Variants in FANCB observed in about 807,000 individuals in gnomAD.
The protein encoded by FANCB is Fanconi anemia group B protein.
In FANCB, 5 loss-of-function variants were observed where a neutral mutation model predicts 38.9. The ratio of observed to expected loss-of-function variants is 0.13; its 90% CI spans 0.07 to 0.27. The LOEUF (loss-of-function observed/expected upper bound fraction) is 0.27, where lower values mean the gene tolerates loss of function less well. Ranked by LOEUF, FANCB falls within the 10% of genes least tolerant of loss-of-function variation. The pLI is 1.00. For missense variants in FANCB, 573 were observed against 602.7 expected (o/e 0.95, Z 0.52); for synonymous variants, 236 against 215.4 (o/e 1.10, Z -0.84).
At chrX:14,698,455 G>A in the FANCB span, among the ~76,000 whole-genome samples, 1 of 109,362 alleles carries the variant, frequency 9.1e-6, no homozygotes, top group Non-Finnish European at 1.9e-5. Flanking sequence ...GAGGTGGGTG[G>A]ATCACCTGAG....
the FANCB span, among the ~76,000 whole-genome samples, chrX:14,751,069 A>C: frequency 8.9e-6 from 1 of 111,819 alleles, no homozygotes; most frequent in Non-Finnish European, 1.9e-5. Context: ...CATAAAAGGC[A>C]CTTGTAAAAT....
the FANCB span, among the ~76,000 whole-genome samples, chrX:14,725,938 A>G: frequency 8.9e-6 from 1 of 112,629 alleles, no homozygotes; most frequent in Non-Finnish European, 1.9e-5. Context: ...TTCTGTGAGA[A>G]TTTAACTAAT....
At chrX:14,733,594 T>C in the FANCB span, among the ~76,000 whole-genome samples, 1 of 112,032 alleles carries the variant, frequency 8.9e-6, no homozygotes, top group African/African-American at 3.2e-5. Flanking sequence ...CCCTTGTAAG[T>C]TGTATTCCTA....
the FANCB span, among the ~76,000 whole-genome samples, chrX:14,830,027 C>T: frequency 3.6e-5 from 4 of 111,765 alleles, no homozygotes; most frequent in Non-Finnish European, 5.6e-5. Flanking sequence ...TTCCTTTCAC[C>T]TGAATACTCA....
the FANCB span, among the ~76,000 whole-genome samples, chrX:14,714,149 G>A: frequency 9.0e-6 from 1 of 110,602 alleles, no homozygotes; most frequent in South Asian, 3.9e-4. Context: ...ATATTGCATA[G>A]CCCCACATAG....
intron 3 of FANCB, chrX:14,862,155 T>C (rs1479675682): frequency 8.9e-6 from 1 of 112,222 alleles, no homozygotes; most frequent in East Asian, 2.8e-4. Context: ...TCCCTTTTTT[T>C]TTTTTAAGAA....
chrX:14,814,331 T>A, the FANCB span, among the ~76,000 whole-genome samples: 2 of 111,933 alleles, frequency 1.8e-5, no homozygotes, highest in Non-Finnish European at 3.8e-5. Context: ...AAATGGGATC[T>A]AATTAAACTA....
chrX:14,741,584 A>C, the FANCB span, among the ~76,000 whole-genome samples: 2 of 111,889 alleles, frequency 1.8e-5, no homozygotes, highest in Non-Finnish European at 3.8e-5. Context: ...AGGTAGCAGT[A>C]TCAGTTCAAT....
the FANCB span, among the ~76,000 whole-genome samples, chrX:14,727,825 T>C: frequency 3.6e-5 from 4 of 111,977 alleles, no homozygotes; most frequent in African/African-American, 1.3e-4. Flanking sequence ...CCTTATATGA[T>C]AATACCTTTA....
the FANCB span, among the ~76,000 whole-genome samples, chrX:14,804,875 G>C: frequency 8.9e-6 from 1 of 111,829 alleles, no homozygotes; most frequent in Non-Finnish European, 1.9e-5. Context: ...ATTTTCACAG[G>C]CTGCCTTGTA....
the FANCB span, among the ~76,000 whole-genome samples, chrX:14,824,162 G>T: frequency 9.0e-6 from 1 of 111,639 alleles, no homozygotes; most frequent in African/African-American, 3.3e-5. Flanking sequence ...ACTTTCCACA[G>T]GACAGGGGCT....
chrX:14,747,235 G>C, the FANCB span, among the ~76,000 whole-genome samples: 1 of 112,480 alleles, frequency 8.9e-6, no homozygotes, highest in East Asian at 2.8e-4. Flanking sequence ...TCCCTCCAGG[G>C]AAAGCTTACA....
At chrX:14,810,791 A>C in the FANCB span, among the ~76,000 whole-genome samples, 1 of 111,378 alleles carries the variant, frequency 9.0e-6, no homozygotes, top group Admixed American at 9.5e-5. Flanking sequence ...GCAGACCAAC[A>C]TTCAGATTCA....
the FANCB span, among the ~76,000 whole-genome samples, chrX:14,810,899 T>G: frequency 9.0e-6 from 1 of 111,549 alleles, no homozygotes; most frequent in African/African-American, 3.3e-5. Context: ...GGAAAAAATG[T>G]TAAGGGCAGC....
chrX:14,709,271 C>T, the FANCB span, among the ~76,000 whole-genome samples: 1 of 111,376 alleles, frequency 9.0e-6, no homozygotes, highest in Non-Finnish European at 1.9e-5. Flanking sequence ...GACCCCCCAT[C>T]ATGTGCCAAA....
At chrX:14,704,803 T>G in the FANCB span, among the ~76,000 whole-genome samples, 1 of 112,179 alleles carries the variant, frequency 8.9e-6, no homozygotes, top group African/African-American at 3.2e-5. Flanking sequence ...CAGTGTTTTG[T>G]TTTAGATAAG....
the FANCB span, among the ~76,000 whole-genome samples, chrX:14,758,154 C>G: frequency 9.0e-6 from 1 of 110,995 alleles, no homozygotes; most frequent in Admixed American, 9.5e-5. Context: ...ACAGTGCCCC[C>G]GGGAACATAA....
At chrX:14,863,256 A>T (rs567165327) in intron 3 of FANCB, among the ~76,000 whole-genome samples, 17 of 112,409 alleles carry the variant, frequency 1.5e-4, no homozygotes, top group African/African-American at 4.5e-4. Flanking sequence ...AATATTCCAC[A>T]TAGAGGTGAT....
chrX:14,778,864 T>C, the FANCB span, among the ~76,000 whole-genome samples: 1 of 112,334 alleles, frequency 8.9e-6, no homozygotes, highest in Non-Finnish European at 1.9e-5. Context: ...TGATAGAAAT[T>C]GAGATTTCTT....
Sources: gnomAD v4.1 joint callset for allele counts (sites outside exome capture counted in the v4.1 genomes callset) on GRCh38, gnomAD v4.1.1 for gene constraint, MANE v1.5 for transcripts, NCBI Gene and HGNC (gene_info 2026-07-23, HGNC 2026-07-21) for gene names.